Variants in USP54 observed in about 807,000 individuals in gnomAD.
USP54 encodes ubiquitin specific peptidase 54.
A neutral mutation model predicts 170.5 loss-of-function variants in USP54; 87 were observed. The observed-to-expected ratio is 0.51, with a 90% CI of 0.43 to 0.61. USP54 has a LOEUF of 0.61. Among genes scored for constraint, USP54 ranks in the 20% least tolerant of loss-of-function variants. USP54 has a pLI of 0.00. For missense variants in USP54, 1,786 were observed against 2,047.8 expected (o/e 0.87, Z 2.47); for synonymous variants, 655 against 742.8 (o/e 0.88, Z 1.92).
chr10:73,562,144 T>C (rs1233192855), intron 4 of USP54, among the ~76,000 whole-genome samples: 1 of 152,098 alleles, frequency 6.6e-6, no homozygotes, highest in Non-Finnish European at 1.5e-5. Flanking sequence ...ACAATCTCCA[T>C]GCTAGAATTC....
chr10:73,568,501 T>C (rs60796877), intron 4 of USP54, among the ~76,000 whole-genome samples: 1 of 152,200 alleles, frequency 6.6e-6, no homozygotes, highest in African/African-American at 2.4e-5. Flanking sequence ...ATTAAAAGAA[T>C]AGAAACAACG....
chr10:73,521,146 CAACT>C, intron 17 of USP54, 119 bp from the exon 18 acceptor site: 1 of 1,345,508 alleles, frequency 7.4e-7, no homozygotes, highest in Non-Finnish European at 1.0e-6. Flanking sequence ...ACCCTTATTC[CAACT>C]GTCTATTCCT....
At chr10:73,536,593 T>C (rs2065257424) in intron 10 of USP54, among the ~76,000 whole-genome samples, 156 bp from the exon 11 acceptor site, 1 of 152,258 alleles carries the variant, frequency 6.6e-6, no homozygotes, top group Non-Finnish European at 1.5e-5. Context: ...CCTAACACTT[T>C]TTTAATTAAA....
At chr10:73,548,771 CTAA>C (rs905657147) in intron 4 of USP54, among the ~76,000 whole-genome samples, 1 of 152,104 alleles carries the variant, frequency 6.6e-6, no homozygotes, top group Non-Finnish European at 1.5e-5. Context: ...GGAGAAATAT[CTAA>C]TATAAATGAC....
At chr10:73,548,062 C>T (rs1480596389) in intron 4 of USP54, among the ~76,000 whole-genome samples, 4 of 151,900 alleles carry the variant, frequency 2.6e-5, no homozygotes, top group African/African-American at 9.7e-5. Flanking sequence ...CATCAAAAGG[C>T]GGGCAAAAGA....
intron 1 of USP54, among the ~76,000 whole-genome samples, chr10:73,616,428 A>G (rs7900010): frequency 0.054 from 8,096 of 148,640 alleles, 1,291 homozygotes; most frequent in African/African-American, 0.19. Flanking sequence ...CCACGTTTTC[A>G]CTTATAAGTG....
In USP54 at chr10:73,534,740, C is replaced by T. The variant is rs780205270; in HGVS notation, c.1175G>A (p.Arg392Gln). 13 of 1,613,766 alleles carry T rather than the reference C, an allele frequency of 8.1e-6. No individual in the cohort carries two copies. Among genetic ancestry groups the T allele is most frequent in the African/African-American group, 6.7e-5 (5 of 74,840 alleles). The part of the protein sequence containing the change: ...GREPSISSDT[R>Q]TDSSTESYPY... ...ATAGCTCTCCGTTGAGGAATCTGTT[C>T]GAGTGTCACTTGAGATGGAGGGCTC... Residue 392 changes from arginine (R) to glutamine (Q), a missense_variant, in exon 12 of 24, where the codon CGA (arginine) becomes CAA (glutamine). Physicochemically the swap from Arg to Gln is conservative, Grantham distance 43. Transcript: ENST00000687698.
In USP54 at chr10:73,556,434, C is replaced by A. The variant is rs552141412; in HGVS notation, c.241-10762G>T. ...CCATTTCGGTTCACTGCAACCTCCA[C>A]CTCCCAGGTTGAAGCAATTCTCTGC... On this transcript the variant is annotated intron_variant, in intron 4 of 23. Transcript: ENST00000687698. Among the ~76,000 whole-genome samples, 246 of 151,388 alleles carry A rather than the reference C, an allele frequency of 1.6e-3. 1 individual carries two copies. The highest frequency in any genetic ancestry group is 5.8e-3 in the African/African-American group (237 of 41,208).
At chr10:73,604,635 G>A (rs1218260669) in intron 1 of USP54, among the ~76,000 whole-genome samples, 1 of 148,322 alleles carries the variant, frequency 6.7e-6, no homozygotes, top group African/African-American at 2.5e-5. Flanking sequence ...TTGTTGCCGA[G>A]GCTGGAGTGC....
chr10:73,624,963 C>A (rs2081403487), intron 1 of USP54, among the ~76,000 whole-genome samples: 1 of 152,196 alleles, frequency 6.6e-6, no homozygotes, highest in Non-Finnish European at 1.5e-5. Flanking sequence ...GTTCAGCCTG[C>A]TGCTGCAATT....
At chr10:73,579,544 C>G (rs1316323984) in intron 1 of USP54, among the ~76,000 whole-genome samples, 1 of 152,016 alleles carries the variant, frequency 6.6e-6, no homozygotes, top group South Asian at 2.1e-4. Context: ...CACTTGAGGT[C>G]AGGAGTTCAA....
chr10:73,539,805 CGA>C (rs1335003637), intron 9 of USP54, among the ~76,000 whole-genome samples: 1 of 152,070 alleles, frequency 6.6e-6, no homozygotes, highest in African/African-American at 2.4e-5. Context: ...GACAAGAGTT[CGA>C]GAACAACCTA....
intron 4 of USP54, among the ~76,000 whole-genome samples, chr10:73,549,992 C>T (rs1290251424): frequency 6.6e-6 from 1 of 151,702 alleles, no homozygotes; most frequent in African/African-American, 2.4e-5. Flanking sequence ...GGTGTGATCT[C>T]GGCTCACTGT....
chr10:73,572,006 C>T (rs1017459467), intron 3 of USP54, among the ~76,000 whole-genome samples: 2 of 152,004 alleles, frequency 1.3e-5, no homozygotes, highest in African/African-American at 4.8e-5. Flanking sequence ...GATTTTTATA[C>T]TTTTGTTGAA....
In USP54 at chr10:73,523,885, TA is replaced by T. The variant is rs5786112; in HGVS notation, c.2195-136del. ...TGGAGTTTATTTATTTATTATTTATTATTATTATTATTATTATTATTATTAT... is the reference window on the plus strand; with the variant it reads ...TGGAGTTTATTTATTTATTATTTATTTTATTATTATTATTATTATTATTAT... On this transcript the variant is annotated intron_variant, in intron 16 of 23. Coordinates refer to ENST00000687698, the MANE Select transcript of USP54 (RefSeq NM_001391956.1). The T allele has an allele frequency of 1.1e-3, 146 of 134,712 alleles. 6 individuals carry two copies. Among genetic ancestry groups the T allele is most frequent in the South Asian group, 9.3e-3 (40 of 4,306 alleles). The allele number at this position is 134,712 out of a possible 1,614,324, so 8.3% of individuals were successfully genotyped here. A position where few individuals can be genotyped will look rare whatever the true frequency, so the allele number is the denominator to read the frequency against.
chr10:73,572,542 G>A (rs914285651), intron 3 of USP54, among the ~76,000 whole-genome samples: 2 of 152,122 alleles, frequency 1.3e-5, no homozygotes, highest in African/African-American at 4.8e-5. Flanking sequence ...TATGTCTCAA[G>A]ATACACACTC....
chr10:73,586,403 G>A (rs967926638), intron 1 of USP54, among the ~76,000 whole-genome samples: 1 of 152,132 alleles, frequency 6.6e-6, no homozygotes, highest in African/African-American at 2.4e-5. Context: ...TGTGCTCTCA[G>A]TGCATGGTGG....
Position 73,517,517 on chromosome 10 carries a change from T to A in USP54, c.2909A>T (p.His970Leu). The change falls in exon 20 of 24, where the codon CAC becomes CTC. Residue 970 changes from histidine to leucine, a missense_variant. His to Leu is a moderately conservative substitution (Grantham distance 99). Around this residue, in one of 3 missense-constraint regions of USP54, gnomAD observed 1,418 missense variants for 1,569.0 expected, o/e 0.90. Coordinates refer to ENST00000687698, the MANE Select transcript of USP54 (RefSeq NM_001391956.1). ...TGGTGCTTTAGGTAAACCTTGCCTG[T>A]GGAATGCAGAGGGTTCAATGTTGTC... The part of the protein sequence containing the change: ...EVDNIEPSAF[H>L]RQGLPKAPGW... 1 of 1,614,184 alleles carries A rather than the reference T, an allele frequency of 6.2e-7. No individual in the cohort carries two copies. The highest frequency in any genetic ancestry group is 8.5e-7 in the Non-Finnish European group (1 of 1,180,024).
intron 4 of USP54, among the ~76,000 whole-genome samples, chr10:73,569,729 G>T (rs1204578226): frequency 6.8e-6 from 1 of 147,424 alleles, no homozygotes. Flanking sequence ...TCCAGCCTGG[G>T]CAACAAGAGT....
Sources: gnomAD v4.1 joint callset for allele counts (sites outside exome capture counted in the v4.1 genomes callset) on GRCh38, gnomAD v4.1.1 for gene constraint, gnomAD v4.1.1 regional missense constraint, MANE v1.5 for transcripts, NCBI Gene and HGNC (gene_info 2026-07-23, HGNC 2026-07-21) for gene names.